The following DCAKD variants were observed in gnomAD, a reference collection of about 807,000 sequenced individuals.
DCAKD encodes dephospho-CoA kinase domain containing.
Under a neutral mutation model 18.7 loss-of-function variants are expected in DCAKD, and 15 were observed. The ratio of observed to expected loss-of-function variants is 0.80; its 90% CI spans 0.54 to 1.24. DCAKD has a LOEUF of 1.24. Among genes scored for constraint, DCAKD ranks in the 50% most tolerant of loss-of-function variants. The pLI is 0.00. For missense variants in DCAKD, 301 were observed against 322.0 expected (o/e 0.93, Z 0.50); for synonymous variants, 130 against 133.0 (o/e 0.98, Z 0.16).
chr17:45,030,321 T>G, intron 3 of DCAKD, 142 bp from the exon 4 acceptor site: 1 of 709,962 alleles, frequency 1.4e-6, no homozygotes, highest in Non-Finnish European at 2.5e-6. Context: ...ACTGGCCGGT[T>G]CCAATGCCGT....
chr17:45,043,143 C>A (rs2053477810), intron 1 of DCAKD, among the ~76,000 whole-genome samples: 1 of 151,976 alleles, frequency 6.6e-6, no homozygotes, highest in South Asian at 2.1e-4. Context: ...CTGAGCTTCT[C>A]TTTCCTTGAG....
At chr17:45,056,988 C>T (rs577085023) in intron 1 of DCAKD, among the ~76,000 whole-genome samples, 40 of 151,038 alleles carry the variant, frequency 2.6e-4, no homozygotes, top group Non-Finnish European at 4.7e-4. Context: ...AGGATGGTCT[C>T]GATCCCCTGA....
chr17:45,057,075 CTATT>C (rs932978631), intron 1 of DCAKD, among the ~76,000 whole-genome samples: 10 of 151,882 alleles, frequency 6.6e-5, no homozygotes, highest in African/African-American at 2.4e-4. Flanking sequence ...CCCTTTTTTC[CTATT>C]TATATAGAGA....
rs761001044 is a variant in DCAKD, at chr17:45,024,286, CGTGTGT to C, written c.*141_*146del. On this transcript the variant is annotated 3_prime_UTR_variant, in exon 5 of 5. Coordinates refer to ENST00000651974, the MANE Select transcript of DCAKD (RefSeq NM_001288655.2). ...AGGCCCAGCCCTGATTCGGAGAGTC[CGTGTGT>C]GTGTGTGTGTGTGTGTGTGTGTGTG... 1.2e-6 allele frequency: 1 copy of C among 852,250 alleles called. No homozygotes were observed. Among genetic ancestry groups the C allele is most frequent in the Non-Finnish European group, 1.7e-6 (1 of 597,608 alleles). 52.8% of individuals were successfully genotyped at this position (852,250 alleles called of 1,614,324 possible). A position where few individuals can be genotyped will look rare whatever the true frequency, so the allele number is the denominator to read the frequency against.
chr17:45,033,623 C>T (rs1208719880), intron 3 of DCAKD, among the ~76,000 whole-genome samples: 2 of 152,158 alleles, frequency 1.3e-5, no homozygotes, highest in African/African-American at 4.8e-5. Flanking sequence ...CACCACCATG[C>T]CCAGCTAATT....
intron 1 of DCAKD, among the ~76,000 whole-genome samples, chr17:45,057,897 G>C (rs1355829848): frequency 2.0e-5 from 3 of 149,752 alleles, no homozygotes; most frequent in Non-Finnish European, 4.4e-5. Flanking sequence ...TGTAATCCCA[G>C]CTACTTGGGA....
intron 1 of DCAKD, among the ~76,000 whole-genome samples, chr17:45,049,178 C>T (rs190179824): frequency 4.6e-5 from 7 of 152,190 alleles, no homozygotes; most frequent in Non-Finnish European, 1.0e-4. Context: ...TGGCTTACAC[C>T]TCTAATCCCA....
intron 1 of DCAKD, among the ~76,000 whole-genome samples, chr17:45,050,181 C>T (rs559725809): frequency 6.6e-6 from 1 of 152,048 alleles, no homozygotes; most frequent in Admixed American, 6.6e-5. Context: ...GCTGGGACTA[C>T]AGGCATGCAC....
chr17:45,043,913 C>A (rs1256700384), intron 1 of DCAKD, among the ~76,000 whole-genome samples: 1 of 152,064 alleles, frequency 6.6e-6, no homozygotes, highest in African/African-American at 2.4e-5. Flanking sequence ...GCGCTACCTC[C>A]CACCTGCACA....
In DCAKD at chr17:45,059,256, AAAAG is replaced by A. The variant is rs555259918; in HGVS notation, c.-118+1628_-118+1631del. Among the ~76,000 whole-genome samples, 300 of 152,202 alleles carry A rather than the reference AAAAG, an allele frequency of 2.0e-3. 1 individual carries two copies. The highest frequency in any genetic ancestry group is 6.5e-3 in the African/African-American group (268 of 41,548). ...GAGCGAGACTCCGTCTCAGAAAAAA[AAAAG>A]AAAGAAAGAGTTGACTATATTTAGT... On this transcript the variant is annotated intron_variant, in intron 1 of 4. Transcript: ENST00000310604.
intron 1 of DCAKD, among the ~76,000 whole-genome samples, chr17:45,043,396 T>C (rs1358567136): frequency 6.6e-6 from 1 of 152,198 alleles, no homozygotes; most frequent in African/African-American, 2.4e-5. Flanking sequence ...ACTCCATTTG[T>C]AGTGTGATGG....
At chr17:45,042,408 C>T (rs2053460919) in intron 1 of DCAKD, among the ~76,000 whole-genome samples, 1 of 152,220 alleles carries the variant, frequency 6.6e-6, no homozygotes, top group African/African-American at 2.4e-5. Context: ...TTCTCATCCC[C>T]CATTCAACAG....
In DCAKD at chr17:45,051,552, C is replaced by G. The variant is rs2053697772; in HGVS notation, c.-306G>C. On this transcript the variant is annotated 5_prime_UTR_variant, in exon 1 of 5. Transcript: ENST00000651974. ...ACCGGCCCGCGTGGCGCGCTACGTA[C>G]CCAGCGCCTCCGCCGTGGCCCAGGC... The G allele has an allele frequency of 1.3e-5, 2 of 151,472 alleles. No individual in the cohort carries two copies. Among genetic ancestry groups the G allele is most frequent in the South Asian group, 4.2e-4 (2 of 4,804 alleles). 9.4% of individuals were successfully genotyped at this position (151,472 alleles called of 1,614,324 possible). A position where few individuals can be genotyped will look rare whatever the true frequency, so the allele number is the denominator to read the frequency against.
intron 3 of DCAKD, chr17:45,031,317 A>G: frequency 1.0e-6 from 1 of 985,328 alleles, no homozygotes. Context: ...CCCACAGTTG[A>G]ACAAGGGGGT....
chr17:45,047,504 CTTTT>C (rs916286343), intron 1 of DCAKD, among the ~76,000 whole-genome samples: 2 of 124,526 alleles, frequency 1.6e-5, no homozygotes, highest in African/African-American at 2.9e-5. Context: ...TGGCTAGTCT[CTTTT>C]TTTTTTTTTT....
upstream of DCAKD, among the ~76,000 whole-genome samples, chr17:45,054,302 C>G (rs1567854414): frequency 6.6e-6 from 1 of 151,366 alleles, no homozygotes; most frequent in Non-Finnish European, 1.5e-5. Context: ...GGCTGGAGTA[C>G]AATGGCGTGA....
intron 3 of DCAKD, chr17:45,030,889 T>C: frequency 1.3e-6 from 1 of 794,678 alleles, no homozygotes; most frequent in African/African-American, 1.9e-5. Flanking sequence ...TAAAAGGCAC[T>C]GGCTGGACCT....
At chr17:45,045,558 CCT>C (rs1195432522) in intron 1 of DCAKD, among the ~76,000 whole-genome samples, 1 of 151,884 alleles carries the variant, frequency 6.6e-6, no homozygotes, top group Non-Finnish European at 1.5e-5. Context: ...ATGGTGAAAC[CCT>C]GTCTCTATTA....
intron 1 of DCAKD, among the ~76,000 whole-genome samples, chr17:45,038,305 T>C (rs898250384): frequency 6.6e-6 from 1 of 152,326 alleles, no homozygotes; most frequent in African/African-American, 2.4e-5. Context: ...CTCAAACTCC[T>C]GACCTCAGGT....
Sources: allele counts gnomAD v4.1 joint callset (sites outside exome capture counted in the v4.1 genomes callset), GRCh38; gene constraint gnomAD v4.1.1; transcripts MANE v1.5; gene names NCBI Gene and HGNC (gene_info 2026-07-23, HGNC 2026-07-21).